NBEA: variants seen among roughly 807,000 people sequenced by gnomAD.
NBEA encodes the protein neurobeachin.
Under a neutral mutation model 343.4 loss-of-function variants are expected in NBEA, and 44 were observed. The ratio of observed to expected loss-of-function variants is 0.13; its 90% CI spans 0.10 to 0.16. The LOEUF is 0.16. Ranked by LOEUF, NBEA falls within the 10% of genes least tolerant of loss-of-function variation. The pLI, the probability that NBEA is intolerant of heterozygous loss-of-function variation, is 1.00. For missense variants in NBEA, 2,555 were observed against 3,631.3 expected (o/e 0.70, Z 7.62); for synonymous variants, 1,175 against 1,238.7 (o/e 0.95, Z 1.08).
At chr13:35,104,223 A>G (rs532859954) in intron 11 of NBEA, among the ~76,000 whole-genome samples, 1 of 152,054 alleles carries the variant, frequency 6.6e-6, no homozygotes, top group South Asian at 2.1e-4. Flanking sequence ...TTTTGCTTAT[A>G]TGATGCCTTA....
intron 1 of NBEA, among the ~76,000 whole-genome samples, chr13:35,012,813 T>C (rs2061529848): frequency 6.6e-6 from 1 of 152,222 alleles, no homozygotes; most frequent in African/African-American, 2.4e-5. Flanking sequence ...CACCTTCTTT[T>C]AATTAGCCTT....
At chr13:35,004,700 T>G (rs899512037) in intron 1 of NBEA, among the ~76,000 whole-genome samples, 14 of 152,178 alleles carry the variant, frequency 9.2e-5, no homozygotes, top group African/African-American at 3.4e-4. Context: ...AGTCCACTAC[T>G]TAATAAAATG....
intron 36 of NBEA, among the ~76,000 whole-genome samples, chr13:35,316,649 G>A (rs2037748456): frequency 1.3e-5 from 2 of 152,082 alleles, no homozygotes; most frequent in Admixed American, 6.5e-5. Flanking sequence ...GGGTCAAATG[G>A]TATTTCTGGT....
intron 38 of NBEA, among the ~76,000 whole-genome samples, chr13:35,353,163 C>T (rs1005974049): frequency 6.6e-6 from 1 of 152,096 alleles, no homozygotes; most frequent in Non-Finnish European, 1.5e-5. Context: ...TGACCTGGTG[C>T]GATGGCTCAC....
intron 41 of NBEA, among the ~76,000 whole-genome samples, chr13:35,526,037 G>A (rs2077958752): frequency 6.6e-6 from 1 of 152,114 alleles, no homozygotes; most frequent in African/African-American, 2.4e-5. Flanking sequence ...GACTTTTTGT[G>A]ACCTTGATGA....
chr13:35,556,380 T>G (rs1371186638), intron 44 of NBEA, among the ~76,000 whole-genome samples: 2 of 152,066 alleles, frequency 1.3e-5, no homozygotes, highest in African/African-American at 4.8e-5. Flanking sequence ...CAACTTTCTG[T>G]CCTGGAGCAT....
chr13:35,595,376 G>A (rs892141688), intron 47 of NBEA, among the ~76,000 whole-genome samples: 16 of 151,778 alleles, frequency 1.1e-4, no homozygotes, highest in African/African-American at 3.6e-4. Context: ...TAGTTCATAA[G>A]AAGCTCATTT....
intron 1 of NBEA, among the ~76,000 whole-genome samples, chr13:34,975,464 T>C (rs1459923984): frequency 6.6e-6 from 1 of 152,032 alleles, no homozygotes; most frequent in African/African-American, 2.4e-5. Flanking sequence ...AACTAAGACC[T>C]GAAACCATAA....
intron 41 of NBEA, chr13:35,476,600 G>A: frequency 1.9e-6 from 1 of 524,884 alleles, no homozygotes; most frequent in African/African-American, 1.9e-5. Flanking sequence ...GTGCAGCACT[G>A]TTAATCAAAT....
intron 1 of NBEA, among the ~76,000 whole-genome samples, chr13:34,970,696 T>C (rs1349129984): frequency 2.6e-5 from 4 of 152,108 alleles, no homozygotes; most frequent in African/African-American, 9.7e-5. Context: ...GTGGTAGGTG[T>C]GCATCATATT....
chr13:35,183,480 A>T (rs2071457397), intron 29 of NBEA, among the ~76,000 whole-genome samples: 1 of 152,044 alleles, frequency 6.6e-6, no homozygotes, highest in South Asian at 2.1e-4. Flanking sequence ...TATTGATGTC[A>T]TGGAGATATG....
At chr13:35,304,446 C>T (rs2036755717) in intron 35 of NBEA, among the ~76,000 whole-genome samples, 1 of 152,006 alleles carries the variant, frequency 6.6e-6, no homozygotes, top group African/African-American at 2.4e-5. Flanking sequence ...CCTCTGCCTC[C>T]TGATTCAAGC....
intron 24 of NBEA, among the ~76,000 whole-genome samples, chr13:35,166,220 A>G (rs534494227): frequency 6.6e-6 from 1 of 152,196 alleles, no homozygotes; most frequent in Non-Finnish European, 1.5e-5. Context: ...AGTTATTTCA[A>G]TTTGTATAGG....
intron 1 of NBEA, among the ~76,000 whole-genome samples, chr13:34,957,264 A>C (rs1009319560): frequency 3.9e-5 from 6 of 152,074 alleles, no homozygotes; most frequent in Non-Finnish European, 4.4e-5. Flanking sequence ...CATTTCCTTC[A>C]TCTTTATTAC....
chr13:35,317,678 C>A (rs1184494461), intron 36 of NBEA, among the ~76,000 whole-genome samples: 1 of 152,150 alleles, frequency 6.6e-6, no homozygotes, highest in South Asian at 2.1e-4. Context: ...AGCACTGAAT[C>A]TATAAATTAC....
chr13:35,468,108 A>ACCT (rs1555272909), intron 40 of NBEA, among the ~76,000 whole-genome samples: 1 of 81,232 alleles, frequency 1.2e-5, no homozygotes, highest in African/African-American at 4.1e-5. Context: ...AATGATTTAC[A>ACCT]CCCCCCCCCC....
chr13:35,363,889 G>A (rs975319320), intron 38 of NBEA, among the ~76,000 whole-genome samples: 3 of 151,862 alleles, frequency 2.0e-5, no homozygotes, highest in African/African-American at 7.2e-5. Context: ...CTTACTGATT[G>A]AATAAATAGG....
chr13:35,322,047 A>T (rs1166797000), intron 36 of NBEA, among the ~76,000 whole-genome samples: 1 of 152,066 alleles, frequency 6.6e-6, no homozygotes, highest in African/African-American at 2.4e-5. Flanking sequence ...TTGGGGTGGG[A>T]TCTGATGAGC....
chr13:35,058,997 T>C, intron 8 of NBEA, 134 bp downstream of exon 8: 1 of 708,884 alleles, frequency 1.4e-6, no homozygotes, highest in Non-Finnish European at 2.1e-6. Flanking sequence ...TCAAGTTTTA[T>C]TATATGTTTC....
Sources: allele counts gnomAD v4.1 joint callset (sites outside exome capture counted in the v4.1 genomes callset), GRCh38; gene constraint gnomAD v4.1.1; transcripts MANE v1.5; gene names NCBI Gene and HGNC (gene_info 2026-07-23, HGNC 2026-07-21).